The following CROCC2 variants were observed in gnomAD, a reference collection of about 807,000 sequenced individuals.
The protein encoded by CROCC2 is ciliary rootlet coiled-coil protein 2.
Under a neutral mutation model 177.6 loss-of-function variants are expected in CROCC2, and 163 were observed. The observed-to-expected ratio is 0.92, with a 90% CI of 0.81 to 1.05. The LOEUF is 1.05. CROCC2 is among the 50% of genes least tolerant of loss of function. The pLI is 0.00. For missense variants in CROCC2, 1,929 were observed against 1,797.8 expected (o/e 1.07, Z -1.32); for synonymous variants, 904 against 787.3 (o/e 1.15, Z -2.48).
chr2:240,958,666 C>T lies in CROCC2; in HGVS notation c.2944-635C>T. 1.1e-6 allele frequency: 1 copy of T among 870,680 alleles called. No individual in the cohort carries two copies. The highest frequency in any genetic ancestry group is 6.2e-5 in the Admixed American group (1 of 16,126). 53.9% of individuals were successfully genotyped at this position (870,680 alleles called of 1,614,324 possible). ...GAGCCTGAGCAGGGCAGGGCTCGGA[C>T]CCTTCATGTTGAGGACACTGAGGCC... is the stretch of plus-strand genomic sequence containing the variant. On this transcript the variant is annotated intron_variant, in intron 19 of 31. Transcript: ENST00000690015. The surrounding 1 kb of genome is among the most constrained non-coding windows in gnomAD (Gnocchi z 6.7).
In CROCC2 at chr2:240,968,231, G is replaced by A. The variant is rs770023660; in HGVS notation, c.4370G>A (p.Arg1457His). 5.7e-5 allele frequency: 87 copies of A among 1,532,896 alleles called. No homozygotes were observed. The highest frequency in any genetic ancestry group is 6.5e-5 in the Non-Finnish European group (74 of 1,145,328). The allele number at this position is 1,532,896 out of a possible 1,614,324, so 95.0% of individuals were successfully genotyped here. ...RLELEHLASV[R>H]AAGQEKRRLQ... ...GAGTTGGAGCACCTGGCGAGCGTGC[G>A]TGCGGCAGGCCAGGAGAAGCGGCGG... Residue 1457 changes from arginine (R) to histidine (H), a missense_variant, in exon 27 of 32, where the codon CGT (arginine) becomes CAT (histidine). By Grantham distance (29) the Arg-to-His change is conservative. This residue lies in a region of CROCC2 where 388 missense variants were observed against 352.7 expected (regional missense o/e 1.10). Transcript: ENST00000690015.
At chr2:240,944,234 A>G (rs977459001) in intron 14 of CROCC2, among the ~76,000 whole-genome samples, 1 of 152,216 alleles carries the variant, frequency 6.6e-6, no homozygotes, top group Non-Finnish European at 1.5e-5. Context: ...TGTTTTTTAA[A>G]AAACATTTTT....
rs1293477880 is a variant in CROCC2 at position 240,989,664 on chromosome 2, CAG to C, written c.4698_4699del (p.Glu1566AspfsTer114). On this transcript the variant is annotated frameshift_variant, in exon 30 of 32. Transcript: ENST00000690015. LOFTEE classifies it high-confidence loss of function. ...AAGTTCTCACTCCAGGCCCAGATGA[CAG>C]AGATGGAGCAGGCCCACACCCAGCG... 17 of 1,545,426 alleles carry C rather than the reference CAG, an allele frequency of 1.1e-5. No homozygotes were observed. The highest frequency in any genetic ancestry group is 2.5e-5 in the East Asian group (1 of 40,762).
chr2:240,959,522 G>C, intron 20 of CROCC2, 78 bp downstream of exon 20: 300 of 1,429,520 alleles, frequency 2.1e-4, no homozygotes, highest in Non-Finnish European at 2.6e-4. Flanking sequence ...AGAGGAGAGA[G>C]TGGGGGTGCC....
chr2:240,946,121 C>T lies in CROCC2; in HGVS notation c.2231C>T (p.Ala744Val), dbSNP rs780692430. 3.2e-6 allele frequency: 5 copies of T among 1,543,614 alleles called. No homozygotes were observed. In the South Asian group the frequency reaches 6.0e-5, roughly 18 times the overall value. Residue 744 changes from alanine (A) to valine (V), a missense_variant, in exon 15 of 32, where the codon GCC (alanine) becomes GTC (valine). Physicochemically the swap from Ala to Val is moderately conservative, Grantham distance 64. Around this residue, in one of 3 missense-constraint regions of CROCC2, gnomAD observed 1,397 missense variants for 1,239.9 expected, o/e 1.13. Coordinates refer to ENST00000690015, the MANE Select transcript of CROCC2 (RefSeq NM_001351305.2). Reference protein sequence around the residue: ...QLAQSLQDQEAQMGTLQQALQ... With the variant: ...QLAQSLQDQEVQMGTLQQALQ... ...GCTCAGAGCCTGCAGGACCAGGAGG[C>T]CCAGATGGGCACTCTGCAGCAAGCC...
chr2:240,992,801 T>C (rs1309162952), intron 31 of CROCC2, among the ~76,000 whole-genome samples: 1 of 152,222 alleles, frequency 6.6e-6, no homozygotes, highest in Non-Finnish European at 1.5e-5. Context: ...AGGCAGCGTG[T>C]GGTGCTCAGG....
chr2:240,943,200 G>C (rs1441710376), intron 14 of CROCC2, among the ~76,000 whole-genome samples: 1 of 151,958 alleles, frequency 6.6e-6, no homozygotes, highest in Admixed American at 6.6e-5. Flanking sequence ...TAGAAATGGG[G>C]TTTTGCCATG....
intron 18 of CROCC2, among the ~76,000 whole-genome samples, chr2:240,951,822 T>A (rs2059558439): frequency 6.6e-6 from 1 of 152,164 alleles, no homozygotes; most frequent in Admixed American, 6.5e-5. Context: ...CATCCATCAG[T>A]GTATCCAACT....
intron 14 of CROCC2, 98 bp downstream of exon 14, chr2:240,935,686 C>A: frequency 1.2e-6 from 1 of 855,814 alleles, no homozygotes; most frequent in Non-Finnish European, 1.6e-6. Context: ...GCTCAGGATG[C>A]CCACATCAGC....
At position 240,935,358 on chromosome 2, in the gene CROCC2, C is replaced by T; in HGVS notation, c.1939C>T (p.Leu647=). The T allele has an allele frequency of 7.4e-7, 1 of 1,353,340 alleles. No individual in the cohort carries two copies. The highest frequency in any genetic ancestry group is 9.6e-7 in the Non-Finnish European group (1 of 1,046,496). 83.8% of individuals were successfully genotyped at this position (1,353,340 alleles called of 1,614,324 possible). The change falls in exon 14 of 32, where the codon CTG becomes TTG. Residue 647 remains leucine (L), a splice_region_variant and synonymous_variant. Coordinates refer to ENST00000690015, the MANE Select transcript of CROCC2 (RefSeq NM_001351305.2). The stretch of plus-strand genomic sequence containing the variant: ...CAGAGCCCCCGACACCTGGTGGCAG[C>T]TGGAGCAGGAGCGGGACCAGCTGCG... ...KSALNHLALQ[L]EQERDQLREQ... is the part of the protein sequence containing the mutation.
Position 240,934,209 on chromosome 2 carries a change from C to A in CROCC2, c.1647-122C>A, listed in dbSNP as rs932258330. The A allele has an allele frequency of 6.5e-5, 73 of 1,128,450 alleles. No individual in the cohort carries two copies. The African/African-American group carries it at 1.0e-3, about 16-fold the overall frequency. The allele number at this position is 1,128,450 out of a possible 1,614,324, so 69.9% of individuals were successfully genotyped here. A position where few individuals can be genotyped will look rare whatever the true frequency, so the allele number is the denominator to read the frequency against. On this transcript the variant is annotated intron_variant, in intron 11 of 31. Transcript: ENST00000690015. The stretch of plus-strand genomic sequence containing the variant: ...CTGCCTTCCTGGTCCTCCAGGGACT[C>A]CATGCTCCTCCTGGGCCTCCCTGGG...
At chr2:240,914,156 A>G (rs112485334) in intron 1 of CROCC2, among the ~76,000 whole-genome samples, 1,912 of 152,314 alleles carry the variant, frequency 0.013, 18 homozygotes, top group Non-Finnish European at 0.018. Context: ...CAGTGGAGCC[A>G]AGTCCAGACA....
chr2:240,967,352 C>T lies in CROCC2; in HGVS notation c.4154C>T (p.Ser1385Phe), dbSNP rs971387689. 1.4e-5 allele frequency: 10 copies of T among 722,530 alleles called. No individual in the cohort carries two copies. Among genetic ancestry groups the T allele is most frequent in the Non-Finnish European group, 1.8e-5 (7 of 394,044 alleles). 44.8% of individuals were successfully genotyped at this position (722,530 alleles called of 1,614,324 possible). A position where few individuals can be genotyped will look rare whatever the true frequency, so the allele number is the denominator to read the frequency against. Reference protein sequence around the residue: ...LREAQRERDDSRIQMATLSSR... With the variant: ...LREAQRERDDFRIQMATLSSR... ...CTCAGTCCTTCTGCCCAGGATGACT[C>T]CCGCATCCAGATGGCGACCCTGAGC... The change falls in exon 26 of 32, where the codon TCC becomes TTC. Residue 1385 changes from serine (S) to phenylalanine (F), a missense_variant. By Grantham distance (155) the Ser-to-Phe change is radical (BLOSUM62 -2). Transcript: ENST00000690015.
In CROCC2 at chr2:240,989,659, G is replaced by A. The variant is rs1351845110; in HGVS notation, c.4689G>A (p.Gln1563=). The A allele has an allele frequency of 6.5e-7, 1 of 1,544,852 alleles. No homozygotes were observed. Among genetic ancestry groups the A allele is most frequent in the South Asian group, 1.2e-5 (1 of 83,878 alleles). The change falls in exon 30 of 32, where the codon CAG becomes CAA. Residue 1563 remains glutamine (Q), a synonymous_variant. Coordinates refer to ENST00000690015, the MANE Select transcript of CROCC2 (RefSeq NM_001351305.2). ...TGCCCAAGTTCTCACTCCAGGCCCA[G>A]ATGACAGAGATGGAGCAGGCCCACA... The part of the protein sequence containing the change: ...ALRQNQQLQA[Q]MTEMEQAHTQ...
chr2:240,976,034 C>G (rs1174799048), intron 27 of CROCC2, among the ~76,000 whole-genome samples: 1 of 152,230 alleles, frequency 6.6e-6, no homozygotes, highest in South Asian at 2.1e-4. Context: ...CCCAGCCCAG[C>G]CTTCTTTTGG....
At chr2:240,948,418 C>T (rs994913577) in intron 15 of CROCC2, among the ~76,000 whole-genome samples, 4 of 152,208 alleles carry the variant, frequency 2.6e-5, no homozygotes, top group Admixed American at 6.5e-5. Flanking sequence ...TGGGGTTGTG[C>T]ACCTACCATT....
chr2:240,913,430 C>T (rs1163028099), intron 1 of CROCC2, among the ~76,000 whole-genome samples: 1 of 152,222 alleles, frequency 6.6e-6, no homozygotes, highest in African/African-American at 2.4e-5. Flanking sequence ...TGTTCTGAGT[C>T]ATTTTGCCAT....
intron 20 of CROCC2, among the ~76,000 whole-genome samples, chr2:240,961,862 ACTCAT>A (rs536557418): frequency 0.54 from 37,480 of 70,032 alleles, 12,398 homozygotes; most frequent in Non-Finnish European, 0.6. Context: ...ACACGCACAC[ACTCAT>A]CACACATGCT....
At chr2:240,940,371 GATATCTA>G (rs2059489058) in intron 14 of CROCC2, among the ~76,000 whole-genome samples, 1 of 151,692 alleles carries the variant, frequency 6.6e-6, no homozygotes, top group Admixed American at 6.6e-5. Context: ...CTACTTTTTT[GATATCTA>G]CTTTTTTGAT....
Sources: gnomAD v4.1 joint callset for allele counts (sites outside exome capture counted in the v4.1 genomes callset) on GRCh38, gnomAD v4.1.1 for gene constraint, gnomAD v4.1.1 regional missense constraint, Gnocchi (gnomAD v3.1) non-coding constraint, MANE v1.5 for transcripts, NCBI Gene and HGNC (gene_info 2026-07-23, HGNC 2026-07-21) for gene names.